The following SYNE2 variants were observed in gnomAD, a reference collection of about 807,000 sequenced individuals.
The protein encoded by SYNE2 is spectrin repeat containing nuclear envelope protein 2.
Under a neutral mutation model 856.3 loss-of-function variants are expected in SYNE2, and 431 were observed. The ratio of observed to expected loss-of-function variants is 0.50; its 90% CI spans 0.47 to 0.55. The LOEUF (loss-of-function observed/expected upper bound fraction) is 0.55, where lower values mean the gene tolerates loss of function less well. Among genes scored for constraint, SYNE2 ranks in the 20% least tolerant of loss-of-function variants. The pLI is 0.00. For synonymous variants in SYNE2, 2,923 were observed against 2,872.3 expected (o/e 1.02, Z -0.56); for missense variants, 8,129 against 8,023.2 (o/e 1.01, Z -0.50).
chr14:63,825,030 G>T (rs753888058), intron 1 of SYNE2, among the ~76,000 whole-genome samples: 1 of 151,870 alleles, frequency 6.6e-6, no homozygotes, highest in Admixed American at 6.6e-5. Flanking sequence ...AGCCTGGGAG[G>T]TGGAGGTTAC....
At chr14:64,166,045 A>G (rs1026780836) in intron 90 of SYNE2, among the ~76,000 whole-genome samples, 2 of 152,184 alleles carry the variant, frequency 1.3e-5, no homozygotes, top group African/African-American at 2.4e-5. Flanking sequence ...TCTATTATGC[A>G]TTTTTCTTTA....
chr14:63,875,715 A>G (rs1470500378), intron 1 of SYNE2, among the ~76,000 whole-genome samples: 1 of 152,240 alleles, frequency 6.6e-6, no homozygotes, highest in Non-Finnish European at 1.5e-5. Context: ...ACCTTCACAT[A>G]TTAAACAATA....
Position 64,017,729 on chromosome 14 carries a change from G to A in SYNE2, c.5022G>A (p.Leu1674=). 1 of 1,613,654 alleles carries A rather than the reference G, an allele frequency of 6.2e-7. No individual in the cohort carries two copies. Among genetic ancestry groups the A allele is most frequent in the Non-Finnish European group, 8.5e-7 (1 of 1,179,774 alleles). ...KALQKMELHQ[L]TEEDRERLKE... ...TTCAAAAAATGGAATTACATCAATT[G>A]ACTGAAGAGGACAGAGAAAGGCTGA... The change falls in exon 34 of 116, where the codon TTG becomes TTA. Residue 1674 remains leucine, a synonymous_variant. Coordinates refer to ENST00000555002, the MANE Select transcript of SYNE2 (RefSeq NM_182914.3).
chr14:63,841,656 C>T (rs1473430958), intron 1 of SYNE2, among the ~76,000 whole-genome samples: 1 of 152,154 alleles, frequency 6.6e-6, no homozygotes, highest in Non-Finnish European at 1.5e-5. Flanking sequence ...GAACAGAGTA[C>T]ATTGTCAAGC....
chr14:64,053,567 A>T lies in SYNE2; in HGVS notation c.9654A>T (p.Glu3218Asp), dbSNP rs2097243921. The T allele has an allele frequency of 6.2e-7, 1 of 1,614,120 alleles. No individual in the cohort carries two copies. Among genetic ancestry groups the T allele is most frequent in the Non-Finnish European group, 8.5e-7 (1 of 1,180,046 alleles). ...CTGCTATTGAGAAACAAAGAGAAGAAAACTCTTCTGAAGCGAGTGATGTGG... is the reference window on the plus strand; with the variant it reads ...CTGCTATTGAGAAACAAAGAGAAGATAACTCTTCTGAAGCGAGTGATGTGG... ...AVTAIEKQREENSSEASDVET... is the reference protein window; with the variant it reads ...AVTAIEKQREDNSSEASDVET... The change falls in exon 48 of 116, where the codon GAA becomes GAT. Residue 3218 changes from glutamate to aspartate, a missense_variant. Glu to Asp is a conservative substitution (Grantham distance 45). Around this residue, in one of 3 missense-constraint regions of SYNE2, gnomAD observed 5,410 missense variants for 5,284.8 expected, o/e 1.02. Coordinates refer to ENST00000555002, the MANE Select transcript of SYNE2 (RefSeq NM_182914.3).
At chr14:64,165,245 A>G (rs753884389) in intron 89 of SYNE2, 40 bp from the exon 90 acceptor site, 1 of 1,600,648 alleles carries the variant, frequency 6.2e-7, no homozygotes, top group Non-Finnish European at 8.6e-7. Context: ...TTTTATATGT[A>G]CATGAAAATA....
chr14:64,224,442 T>A lies in SYNE2; in HGVS notation c.20383-19T>A. The A allele has an allele frequency of 1.2e-6, 2 of 1,612,368 alleles. No homozygotes were observed. Among genetic ancestry groups the A allele is most frequent in the South Asian group, 2.2e-5 (2 of 91,042 alleles). ...ATGAAACACATTTCTGTGCTCAACC[T>A]TTGGGGTCTGAATTTCAGAACCCAG... On this transcript the variant is annotated intron_variant, in intron 113 of 115. Coordinates refer to ENST00000555002, the MANE Select transcript of SYNE2 (RefSeq NM_182914.3).
In SYNE2 at chr14:63,897,702, G is replaced by A. The variant is rs1343804770; in HGVS notation, c.-51-11396G>A. ...GCCTTCAGCTGCCCTCACAATCCTTGTATGCTTCTTTGGTTGGTTGGTTTG... is the reference window on the plus strand; with the variant it reads ...GCCTTCAGCTGCCCTCACAATCCTTATATGCTTCTTTGGTTGGTTGGTTTG... On this transcript the variant is annotated intron_variant, in intron 1 of 115. Transcript: ENST00000555002. Among the ~76,000 whole-genome samples, 4 of 152,156 alleles carry A rather than the reference G, an allele frequency of 2.6e-5. No homozygotes were observed. In the East Asian group the frequency reaches 5.8e-4, roughly 22 times the overall value.
intron 48 of SYNE2, among the ~76,000 whole-genome samples, chr14:64,055,543 A>G (rs180791066): frequency 3.4e-4 from 52 of 151,746 alleles, no homozygotes; most frequent in Non-Finnish European, 2.9e-5. Flanking sequence ...TAATTTTTGT[A>G]TTTTTAGTAG....
chr14:63,991,973 A>G (rs1333497503), intron 21 of SYNE2, among the ~76,000 whole-genome samples: 1 of 152,000 alleles, frequency 6.6e-6, no homozygotes. Context: ...GTTTTGGCCT[A>G]CTGGATTTGC....
At chr14:64,075,119 A>G (rs1189451820) in intron 53 of SYNE2, among the ~76,000 whole-genome samples, 1 of 152,190 alleles carries the variant, frequency 6.6e-6, no homozygotes, top group African/African-American at 2.4e-5. Context: ...GAAAAGGAAA[A>G]CAATGACACA....
intron 1 of SYNE2, among the ~76,000 whole-genome samples, chr14:63,905,452 C>G (rs1233058103): frequency 1.3e-5 from 2 of 151,994 alleles, no homozygotes; most frequent in Non-Finnish European, 2.9e-5. Context: ...GAACGTTTTT[C>G]CCTTTATTTG....
intron 41 of SYNE2, among the ~76,000 whole-genome samples, chr14:64,025,660 C>T (rs920058481): frequency 6.6e-6 from 1 of 152,142 alleles, no homozygotes; most frequent in Non-Finnish European, 1.5e-5. Context: ...GCCTATTGTC[C>T]GTCTTCAATG....
In SYNE2 at chr14:63,768,011, T is replaced by C. The variant is rs546299485; in HGVS notation, c.-305+6025T>C. Among the ~76,000 whole-genome samples the C allele has an allele frequency of 1.6e-4, 24 of 152,132 alleles. No homozygotes were observed. In the South Asian group the frequency reaches 2.9e-3, roughly 18 times the overall value. ...GAGTTCAGGACCAGCCTAGGCAGCA[T>C]GGTGAAACCCCGTCTTAACAAAAAA... On this transcript the variant is annotated intron_variant, in intron 1 of 23. Transcript: ENST00000674003.
chr14:63,829,207 G>A (rs538526213), intron 1 of SYNE2, among the ~76,000 whole-genome samples: 2 of 152,014 alleles, frequency 1.3e-5, no homozygotes, highest in Non-Finnish European at 2.9e-5. Context: ...GAGGCCAGGA[G>A]TTCAAGACTA....
intron 45 of SYNE2, among the ~76,000 whole-genome samples, chr14:64,038,597 C>T (rs187928506): frequency 0.035 from 5,323 of 152,302 alleles, 319 homozygotes; most frequent in African/African-American, 0.12. Flanking sequence ...CCCGGCACCT[C>T]GGGAGGCCGA....
intron 45 of SYNE2, among the ~76,000 whole-genome samples, chr14:64,038,531 C>T (rs1228192393): frequency 1.3e-5 from 2 of 152,240 alleles, no homozygotes; most frequent in African/African-American, 4.8e-5. Flanking sequence ...GATCACGCCA[C>T]TGCACTCCAG....
intron 66 of SYNE2, among the ~76,000 whole-genome samples, chr14:64,117,736 A>G (rs1022170178): frequency 3.3e-4 from 50 of 152,204 alleles, no homozygotes; most frequent in South Asian, 4.1e-4. Flanking sequence ...CACTTCTGGC[A>G]TGGTGCATAA....
chr14:64,082,360 A>G (rs2097530976), intron 57 of SYNE2, among the ~76,000 whole-genome samples: 1 of 151,074 alleles, frequency 6.6e-6, no homozygotes, highest in African/African-American at 2.5e-5. Context: ...CTCCACCGGT[A>G]AGTATAATAC....
Sources: allele counts gnomAD v4.1 joint callset (sites outside exome capture counted in the v4.1 genomes callset), GRCh38; gene constraint gnomAD v4.1.1; regional missense constraint gnomAD v4.1.1; transcripts MANE v1.5; gene names NCBI Gene and HGNC (gene_info 2026-07-23, HGNC 2026-07-21).